Variants in CCDC30 observed in about 807,000 individuals in gnomAD.
CCDC30 encodes coiled-coil domain containing 30, also known as coiled-coil domain-containing protein 30.
Under a neutral mutation model 100.2 loss-of-function variants are expected in CCDC30, and 70 were observed. The observed-to-expected ratio is 0.70, with a 90% CI of 0.58 to 0.85. CCDC30 has a LOEUF of 0.85. CCDC30 is among the 40% of genes least tolerant of loss of function. CCDC30 has a pLI of 0.00. For synonymous variants in CCDC30, 233 were observed against 269.5 expected, an observed-to-expected ratio of 0.86 and a Z score of 1.33; for missense variants, 652 against 771.2, an observed-to-expected ratio of 0.85 and a Z score of 1.83.
intron 6 of CCDC30, among the ~76,000 whole-genome samples, chr1:42,563,633 C>T (rs1269201254): frequency 6.6e-6 from 1 of 152,176 alleles, no homozygotes; most frequent in Non-Finnish European, 1.5e-5. Flanking sequence ...GTAATCCCAG[C>T]ACTTTGGGAG....
intron 1 of CCDC30, among the ~76,000 whole-genome samples, chr1:42,478,153 A>T (rs1643904292): frequency 6.6e-6 from 1 of 152,240 alleles, no homozygotes; most frequent in Non-Finnish European, 1.5e-5. Flanking sequence ...TCACTAAATA[A>T]TTTTAAGAGG....
intron 11 of CCDC30, among the ~76,000 whole-genome samples, chr1:42,612,936 A>G (rs1368996378): frequency 1.3e-5 from 2 of 152,190 alleles, no homozygotes; most frequent in African/African-American, 2.4e-5. Context: ...TTTTAGTATT[A>G]TATTTTTCAT....
chr1:42,610,938 T>A, intron 10 of CCDC30, 40 bp from the exon 15 acceptor site: 1 of 1,066,324 alleles, frequency 9.4e-7, no homozygotes, highest in Non-Finnish European at 1.4e-6. Flanking sequence ...ATCATACCTT[T>A]GTCAGGTCAG....
chr1:42,536,374 C>T, intron 6 of CCDC30, 102 bp from the exon 7 acceptor site: 1 of 701,660 alleles, frequency 1.4e-6, no homozygotes, highest in Non-Finnish European at 2.3e-6. Flanking sequence ...TCATAAATCC[C>T]CTGGATGATT....
intron 12 of CCDC30, 138 bp from the exon 17 acceptor site, chr1:42,642,335 C>A: frequency 3.3e-6 from 2 of 608,308 alleles, no homozygotes; most frequent in Non-Finnish European, 5.3e-6. Context: ...TGTCAGCAAA[C>A]AGATAGAAAC....
chr1:42,651,995 A>T (rs1354637637), intron 15 of CCDC30, among the ~76,000 whole-genome samples: 3 of 152,200 alleles, frequency 2.0e-5, no homozygotes, highest in African/African-American at 7.2e-5. Context: ...GAGTTTCCCC[A>T]ACAAAGTGAA....
At chr1:42,551,267 T>A (rs1645246824) in intron 6 of CCDC30, among the ~76,000 whole-genome samples, 1 of 152,168 alleles carries the variant, frequency 6.6e-6, no homozygotes, top group African/African-American at 2.4e-5. Flanking sequence ...TGAATCTGTA[T>A]ATGTTTGAGA....
chr1:42,622,628 G>A (rs771376996), intron 11 of CCDC30, among the ~76,000 whole-genome samples: 9 of 151,596 alleles, frequency 5.9e-5, no homozygotes, highest in South Asian at 2.1e-4. Context: ...ATGCACCACC[G>A]CACCTGGCTT....
At chr1:42,501,858 T>A (rs903799385) in intron 6 of CCDC30, among the ~76,000 whole-genome samples, 1 of 151,588 alleles carries the variant, frequency 6.6e-6, no homozygotes, top group African/African-American at 2.4e-5. Flanking sequence ...GGTGTCAGTC[T>A]GCCCCTACTG....
intron 6 of CCDC30, among the ~76,000 whole-genome samples, chr1:42,503,906 A>G (rs539097978): frequency 6.6e-6 from 1 of 152,272 alleles, no homozygotes; most frequent in Non-Finnish European, 1.5e-5. Context: ...GTGGCGCTAG[A>G]GGAATTAAAG....
chr1:42,570,242 CT>C (rs1645704519), intron 7 of CCDC30, among the ~76,000 whole-genome samples: 1 of 151,968 alleles, frequency 6.6e-6, no homozygotes, highest in Non-Finnish European at 1.5e-5. Flanking sequence ...AGGAGGATTG[CT>C]TGAGCCCAGG....
intron 6 of CCDC30, among the ~76,000 whole-genome samples, chr1:42,563,491 G>C (rs547512524): frequency 6.6e-6 from 1 of 151,980 alleles, no homozygotes; most frequent in African/African-American, 2.4e-5. Context: ...TTAGAGGATG[G>C]GTCAATACGT....
intron 15 of CCDC30, among the ~76,000 whole-genome samples, chr1:42,648,777 A>G (rs1648100336): frequency 6.6e-6 from 1 of 152,198 alleles, no homozygotes; most frequent in Admixed American, 6.5e-5. Flanking sequence ...TTTTTTTAAG[A>G]TAAACAAAAT....
intron 10 of CCDC30, chr1:42,590,735 C>T (rs77451548): frequency 1.4e-5 from 2 of 138,424 alleles, no homozygotes; most frequent in African/African-American, 5.3e-5. Context: ...GACTCTGTCT[C>T]AAAAAAAAAA....
chr1:42,479,856 A>G (rs1339015629), intron 1 of CCDC30, among the ~76,000 whole-genome samples: 1 of 152,160 alleles, frequency 6.6e-6, no homozygotes, highest in Non-Finnish European at 1.5e-5. Context: ...CCTGGTTCCC[A>G]TGGGAAGATG....
At chr1:42,557,365 C>A (rs1301612846) in intron 6 of CCDC30, among the ~76,000 whole-genome samples, 1 of 152,098 alleles carries the variant, frequency 6.6e-6, no homozygotes, top group Non-Finnish European at 1.5e-5. Context: ...CAAAGGGGAA[C>A]ATGACATCAA....
At chr1:42,609,813 G>A (rs1646582165) in intron 10 of CCDC30, among the ~76,000 whole-genome samples, 1 of 152,140 alleles carries the variant, frequency 6.6e-6, no homozygotes, top group Admixed American at 6.5e-5. Context: ...AGTGGAGGGA[G>A]TGCTTGTGAT....
chr1:42,637,047 A>G (rs568237823), intron 11 of CCDC30, among the ~76,000 whole-genome samples, 190 bp from the exon 16 acceptor site: 2 of 149,280 alleles, frequency 1.3e-5, no homozygotes, highest in Admixed American at 1.3e-4. Context: ...CTGGTGTTAT[A>G]TAGGGGGTTA....
chr1:42,611,053 T>C, exon 11 of CCDC30: 1 of 1,610,812 alleles, frequency 6.2e-7, no homozygotes, highest in Non-Finnish European at 8.5e-7. Flanking sequence ...ACGTGAAGAA[T>C]ATTTGCGATT....
Sources: gnomAD v4.1 joint callset for allele counts (sites outside exome capture counted in the v4.1 genomes callset) on GRCh38, gnomAD v4.1.1 for gene constraint, MANE v1.5 for transcripts, NCBI Gene and HGNC (gene_info 2026-07-23, HGNC 2026-07-21) for gene names.